Variants in AUTS2 observed in about 807,000 individuals in gnomAD.
The protein encoded by AUTS2 is activator of transcription and developmental regulator AUTS2, also known as autism susceptibility gene 2 protein.
AUTS2 carries 17 observed loss-of-function variants against 112.4 expected under a neutral mutation model. The ratio of observed to expected loss-of-function variants is 0.15; its 90% CI spans 0.10 to 0.23. The LOEUF is 0.23. AUTS2 is among the 10% of genes least tolerant of loss of function. AUTS2 has a pLI of 1.00. For missense variants in AUTS2, 1,510 were observed against 1,701.6 expected, an observed-to-expected ratio of 0.89 and a Z score of 1.98; for synonymous variants, 751 against 702.7, an observed-to-expected ratio of 1.07 and a Z score of -1.09.
At chr7:70,775,798 C>T (rs1040329893) in intron 13 of AUTS2, among the ~76,000 whole-genome samples, 1 of 152,118 alleles carries the variant, frequency 6.6e-6, no homozygotes, top group African/African-American at 2.4e-5. Flanking sequence ...TTGCCATAGC[C>T]GTTTGACCTC....
chr7:70,064,968 A>G (rs1802420980), intron 2 of AUTS2, among the ~76,000 whole-genome samples: 1 of 152,202 alleles, frequency 6.6e-6, no homozygotes, highest in Non-Finnish European at 1.5e-5. Context: ...ATATGCCCAG[A>G]GACAATAGTA....
At chr7:69,680,424 GCA>G in intron 1 of AUTS2, among the ~76,000 whole-genome samples, 1 of 152,186 alleles carries the variant, frequency 6.6e-6, no homozygotes, top group Non-Finnish European at 1.5e-5. Context: ...TAGCATACAC[GCA>G]TTATCATTGT....
At chr7:69,921,668 G>A (rs1329200234) in intron 2 of AUTS2, among the ~76,000 whole-genome samples, 1 of 151,278 alleles carries the variant, frequency 6.6e-6, no homozygotes, top group Non-Finnish European at 1.5e-5. Flanking sequence ...CTACTTGGGA[G>A]GCCTAGGCAG....
intron 2 of AUTS2, among the ~76,000 whole-genome samples, chr7:70,048,649 G>A (rs1801609735): frequency 6.6e-6 from 1 of 152,134 alleles, no homozygotes; most frequent in Non-Finnish European, 1.5e-5. Flanking sequence ...TTTTGGATGT[G>A]TCCAGAAGTA....
At chr7:69,917,390 A>AT (rs569008097) in intron 2 of AUTS2, among the ~76,000 whole-genome samples, 40 of 147,642 alleles carry the variant, frequency 2.7e-4, no homozygotes, top group Admixed American at 9.5e-4. Flanking sequence ...ACAAATCTGA[A>AT]TTTTTTTTTT....
At chr7:69,741,060 A>T (rs988712485) in intron 1 of AUTS2, among the ~76,000 whole-genome samples, 6 of 152,182 alleles carry the variant, frequency 3.9e-5, no homozygotes, top group African/African-American at 1.2e-4. Context: ...AGTGCTGTGT[A>T]TGGAGTGTGG....
intron 5 of AUTS2, among the ~76,000 whole-genome samples, chr7:70,649,493 T>C (rs1806366916): frequency 6.8e-6 from 1 of 147,616 alleles, no homozygotes; most frequent in Non-Finnish European, 1.5e-5. Context: ...GTCCCAGTGG[T>C]GATTTATTTT....
In AUTS2 at chr7:70,748,819, G is replaced by A. The variant is rs148613794; in HGVS notation, c.743-14051G>A. Among the ~76,000 whole-genome samples, 11 of 152,284 alleles carry A rather than the reference G, an allele frequency of 7.2e-5. No individual in the cohort carries two copies. The South Asian group carries it at 1.7e-3, about 23-fold the overall frequency. On this transcript the variant is annotated intron_variant, in intron 6 of 18. Transcript: ENST00000342771. ...CTAAAGGCAGTTTGTTCTCCTGTGA[G>A]GCAGCCTAGTCCATTTCACTTGAAA... is the stretch of plus-strand genomic sequence containing the variant.
At chr7:70,065,780 A>G (rs924599068) in intron 2 of AUTS2, among the ~76,000 whole-genome samples, 2 of 152,174 alleles carry the variant, frequency 1.3e-5, no homozygotes, top group African/African-American at 2.4e-5. Context: ...ATTATAGCCT[A>G]CAGCAGCCTG....
intron 1 of AUTS2, among the ~76,000 whole-genome samples, chr7:69,886,762 T>TG (rs1491490938): frequency 6.5e-5 from 9 of 139,078 alleles, no homozygotes; most frequent in Non-Finnish European, 9.3e-5. Flanking sequence ...ATTTGACTTC[T>TG]TTGTGTGTGT....
chr7:70,464,526 A>G (rs887321470), intron 5 of AUTS2, among the ~76,000 whole-genome samples: 3 of 152,236 alleles, frequency 2.0e-5, no homozygotes, highest in Non-Finnish European at 2.9e-5. Flanking sequence ...GAGGCCCAGA[A>G]CATTTAGGTA....
At chr7:70,774,162 C>A (rs1482008755) in intron 12 of AUTS2, 63 bp downstream of exon 12, 2 of 1,467,872 alleles carry the variant, frequency 1.4e-6, no homozygotes, top group Non-Finnish European at 1.9e-6. Context: ...CACGGGACGG[C>A]CAGCCCAGTG....
At chr7:69,616,569 A>G (rs1352157362) in intron 1 of AUTS2, among the ~76,000 whole-genome samples, 1 of 152,204 alleles carries the variant, frequency 6.6e-6, no homozygotes, top group East Asian at 1.9e-4. Flanking sequence ...TAGGGATGCA[A>G]CAGTTGTGGG....
intron 1 of AUTS2, among the ~76,000 whole-genome samples, chr7:69,744,357 T>C (rs1405767025): frequency 6.6e-6 from 1 of 152,142 alleles, no homozygotes; most frequent in Non-Finnish European, 1.5e-5. Context: ...GGAATATGTA[T>C]TTTTAACCCC....
chr7:69,794,193 T>C (rs116841636), intron 1 of AUTS2, among the ~76,000 whole-genome samples: 2,086 of 152,316 alleles, frequency 0.014, 20 homozygotes, highest in Non-Finnish European at 0.024. Flanking sequence ...GCATGCTTGG[T>C]TCCCTTTGCA....
rs1162658820 is a variant in AUTS2, at chr7:70,768,113, C to T, written c.1734+45C>T. On this transcript the variant is annotated intron_variant, in intron 10 of 18. Coordinates refer to ENST00000342771, the MANE Select transcript of AUTS2 (RefSeq NM_015570.4). ...TACACATTGAATGTAACTGCTTTGCCATTTTTGTGCTCTTGCCACAGATCA... is the reference window on the plus strand; with the variant it reads ...TACACATTGAATGTAACTGCTTTGCTATTTTTGTGCTCTTGCCACAGATCA... 4 of 1,548,258 alleles carry T rather than the reference C, an allele frequency of 2.6e-6. No homozygotes were observed. In the African/African-American group the frequency reaches 4.2e-5, roughly 16 times the overall value.
At chr7:70,583,936 T>A (rs1304333377) in intron 5 of AUTS2, among the ~76,000 whole-genome samples, 1 of 152,212 alleles carries the variant, frequency 6.6e-6, no homozygotes, top group Non-Finnish European at 1.5e-5. Context: ...ATTTTCCCTG[T>A]GGGCCAAACA....
intron 1 of AUTS2, among the ~76,000 whole-genome samples, chr7:69,802,202 G>GGA (rs1168992272): frequency 2.0e-5 from 3 of 152,170 alleles, no homozygotes; most frequent in Non-Finnish European, 4.4e-5. Flanking sequence ...TATGTTAAGG[G>GGA]GAGAGCGTAT....
chr7:70,047,996 G>A (rs1801582282), intron 2 of AUTS2, among the ~76,000 whole-genome samples: 1 of 152,150 alleles, frequency 6.6e-6, no homozygotes, highest in African/African-American at 2.4e-5. Flanking sequence ...TGCTGTATGG[G>A]AGAGTGTCTT....
Sources: gnomAD v4.1 joint callset for allele counts (sites outside exome capture counted in the v4.1 genomes callset) on GRCh38, gnomAD v4.1.1 for gene constraint, MANE v1.5 for transcripts, NCBI Gene and HGNC (gene_info 2026-07-23, HGNC 2026-07-21) for gene names.